Variants in PCCA observed in about 807,000 individuals in gnomAD.
PCCA encodes propionyl-CoA carboxylase alpha chain, mitochondrial.
PCCA carries 74 observed loss-of-function variants against 101.3 expected under a neutral mutation model. The observed-to-expected ratio is 0.73, with a 90% CI of 0.61 to 0.89. PCCA has a LOEUF of 0.89. Among genes scored for constraint, PCCA ranks in the 40% least tolerant of loss-of-function variants. The pLI is 0.00. For missense variants in PCCA, 891 were observed against 907.0 expected, an observed-to-expected ratio of 0.98 and a Z score of 0.23; for synonymous variants, 294 against 313.6, an observed-to-expected ratio of 0.94 and a Z score of 0.66.
intron 6 of PCCA, among the ~76,000 whole-genome samples, chr13:100,161,853 G>T (rs1381857179): frequency 6.6e-6 from 1 of 152,106 alleles, no homozygotes; most frequent in African/African-American, 2.4e-5. Context: ...TCATTTTAAT[G>T]ACATAAATTT....
chr13:100,191,948 G>A (rs1402936328), intron 6 of PCCA, among the ~76,000 whole-genome samples: 1 of 152,144 alleles, frequency 6.6e-6, no homozygotes, highest in Non-Finnish European at 1.5e-5. Flanking sequence ...TGATCTAGAA[G>A]GCTATGAAGG....
intron 6 of PCCA, among the ~76,000 whole-genome samples, chr13:100,182,814 G>T (rs970291791): frequency 6.6e-6 from 1 of 152,056 alleles, no homozygotes; most frequent in Non-Finnish European, 1.5e-5. Context: ...CTAGGAAAGG[G>T]ACCCTGATAG....
intron 6 of PCCA, among the ~76,000 whole-genome samples, chr13:100,206,120 T>C (rs2058836542): frequency 6.6e-6 from 1 of 152,148 alleles, no homozygotes; most frequent in Non-Finnish European, 1.5e-5. Context: ...AAACATTTGA[T>C]AGAGAGATAC....
At chr13:100,385,674 G>T (rs1210590719) in intron 19 of PCCA, among the ~76,000 whole-genome samples, 1 of 152,156 alleles carries the variant, frequency 6.6e-6, no homozygotes, top group Non-Finnish European at 1.5e-5. Flanking sequence ...CCAGGCCGGA[G>T]TGCAGTGGCA....
At chr13:100,294,161 C>T (rs1017864674) in intron 12 of PCCA, among the ~76,000 whole-genome samples, 4 of 152,140 alleles carry the variant, frequency 2.6e-5, no homozygotes, top group African/African-American at 9.7e-5. Context: ...GTGGCCTCTC[C>T]TCTGTGCCTT....
At chr13:100,319,558 A>G (rs2067771151) in intron 16 of PCCA, among the ~76,000 whole-genome samples, 1 of 152,178 alleles carries the variant, frequency 6.6e-6, no homozygotes, top group Non-Finnish European at 1.5e-5. Context: ...GCATATGGCT[A>G]GCCAGTTTTC....
At chr13:100,384,555 T>C (rs1396695268) in intron 19 of PCCA, among the ~76,000 whole-genome samples, 1 of 152,228 alleles carries the variant, frequency 6.6e-6, no homozygotes, top group African/African-American at 2.4e-5. Flanking sequence ...TACTAAATTA[T>C]GAAGTTACTG....
intron 6 of PCCA, among the ~76,000 whole-genome samples, chr13:100,208,804 T>G (rs950262515): frequency 6.6e-6 from 1 of 152,292 alleles, no homozygotes; most frequent in South Asian, 2.1e-4. Context: ...AACATGTACT[T>G]TCTTTTGTCT....
intron 12 of PCCA, among the ~76,000 whole-genome samples, chr13:100,299,076 T>C (rs1182841094): frequency 1.3e-5 from 2 of 152,204 alleles, no homozygotes; most frequent in Admixed American, 1.3e-4. Flanking sequence ...GCAGTACTTG[T>C]CAAAAGGTAA....
intron 19 of PCCA, among the ~76,000 whole-genome samples, chr13:100,405,233 A>G (rs1050068634): frequency 1.3e-5 from 2 of 152,158 alleles, no homozygotes; most frequent in East Asian, 1.9e-4. Flanking sequence ...TGGGCATCCT[A>G]TTTATTCCCA....
chr13:100,107,461 C>T (rs117911192), intron 2 of PCCA, among the ~76,000 whole-genome samples: 428 of 152,052 alleles, frequency 2.8e-3, no homozygotes, highest in Non-Finnish European at 5.0e-3. Context: ...GGCCGAGACA[C>T]GGGATTCCTT....
chr13:100,301,564 C>G lies in PCCA; in HGVS notation c.1170C>G (p.Arg390=), dbSNP rs1290617293. The G allele has an allele frequency of 6.2e-7, 1 of 1,613,940 alleles. No individual in the cohort carries two copies. Among genetic ancestry groups the G allele is most frequent in the East Asian group, 2.2e-5 (1 of 44,878 alleles). ...YPLRHKQADI[R]INGWAVECRV... Reference sequence around the variant, plus strand: ...TCAGGCACAAACAAGCTGATATTCGCATCAACGGCTGGGCAGTTGAATGTC... The same window carrying G: ...TCAGGCACAAACAAGCTGATATTCGGATCAACGGCTGGGCAGTTGAATGTC... Residue 390 remains arginine (R), a synonymous_variant, in exon 13 of 24, where the codon CGC becomes CGG. Coordinates refer to ENST00000376285, the MANE Select transcript of PCCA (RefSeq NM_000282.4).
intron 20 of PCCA, among the ~76,000 whole-genome samples, chr13:100,426,024 T>C (rs1204031950): frequency 6.6e-6 from 1 of 152,076 alleles, no homozygotes; most frequent in Non-Finnish European, 1.5e-5. Flanking sequence ...TTTTTTTTTT[T>C]CCTCTGTGGG....
intron 15 of PCCA, among the ~76,000 whole-genome samples, chr13:100,309,524 TCA>T (rs752970593): frequency 1.3e-5 from 2 of 152,206 alleles, no homozygotes; most frequent in Non-Finnish European, 1.5e-5. Flanking sequence ...AAATCCTATC[TCA>T]TATATTCACG....
At chr13:100,361,889 AC>A (rs1293305489) in intron 18 of PCCA, among the ~76,000 whole-genome samples, 1 of 152,002 alleles carries the variant, frequency 6.6e-6, no homozygotes, top group Non-Finnish European at 1.5e-5. Flanking sequence ...TAGATTTTTT[AC>A]CCCCCAAGAA....
At chr13:100,437,201 A>G (rs2152909982) in intron 20 of PCCA, among the ~76,000 whole-genome samples, 1 of 152,322 alleles carries the variant, frequency 6.6e-6, no homozygotes, top group South Asian at 2.1e-4. Flanking sequence ...GGGTGAGGTC[A>G]TATCAGCTCT....
intron 8 of PCCA, among the ~76,000 whole-genome samples, chr13:100,241,935 G>T (rs1405327029): frequency 6.6e-6 from 1 of 152,146 alleles, no homozygotes; most frequent in African/African-American, 2.4e-5. Flanking sequence ...GTAATTCTAT[G>T]TGTAACTTTT....
chr13:100,406,271 G>A (rs982820447), intron 19 of PCCA, among the ~76,000 whole-genome samples: 11 of 152,200 alleles, frequency 7.2e-5, no homozygotes, highest in African/African-American at 2.4e-4. Context: ...CTACACTGAT[G>A]CAAACAACTA....
chr13:100,234,777 C>T (rs955121546), intron 7 of PCCA, among the ~76,000 whole-genome samples: 2 of 151,660 alleles, frequency 1.3e-5, no homozygotes, highest in African/African-American at 2.4e-5. Flanking sequence ...AAACACTGGG[C>T]TTCACTTCAG....
Sources: allele counts gnomAD v4.1 joint callset (sites outside exome capture counted in the v4.1 genomes callset), GRCh38; gene constraint gnomAD v4.1.1; transcripts MANE v1.5; gene names NCBI Gene and HGNC (gene_info 2026-07-23, HGNC 2026-07-21).